Variants in PCDHA3 observed in about 807,000 individuals in gnomAD.
PCDHA3 encodes protocadherin alpha-3.
Under a neutral mutation model 62.2 loss-of-function variants are expected in PCDHA3, and 41 were observed. The ratio of observed to expected loss-of-function variants is 0.66; its 90% CI spans 0.51 to 0.86. PCDHA3 has a LOEUF of 0.86. Ranked by LOEUF, PCDHA3 falls within the 40% of genes least tolerant of loss-of-function variation. The pLI is 0.00. For missense variants in PCDHA3, 1,304 were observed against 1,241.2 expected (o/e 1.05, Z -0.76); for synonymous variants, 640 against 555.4 (o/e 1.15, Z -2.14).
intron 1 of PCDHA3, chr5:140,870,081 T>G (rs782572380): frequency 1.2e-6 from 2 of 1,613,698 alleles, no homozygotes. Context: ...ATAAGGGGAC[T>G]CCCCCAATGG....
chr5:140,871,329 C>T (rs1164407502), intron 1 of PCDHA3: 3 of 1,614,060 alleles, frequency 1.9e-6, no homozygotes, highest in African/African-American at 2.7e-5. Flanking sequence ...TGTGCTCCCG[C>T]GCGGTGGGGA....
intron 1 of PCDHA3, among the ~76,000 whole-genome samples, chr5:140,963,436 T>C (rs148474994): frequency 0.01 from 1,563 of 152,364 alleles, 89 homozygotes; most frequent in Admixed American, 0.092. Context: ...ACTAACTTCA[T>C]ACTCTGTTGC....
At chr5:140,883,626 C>A (rs782798960) in intron 1 of PCDHA3, 2 of 1,613,968 alleles carry the variant, frequency 1.2e-6, no homozygotes, top group Non-Finnish European at 1.7e-6. Flanking sequence ...GACAACGCGC[C>A]GGCGTTCGCG....
chr5:140,871,066 G>GA, intron 1 of PCDHA3: 1 of 1,613,276 alleles, frequency 6.2e-7, no homozygotes, highest in South Asian at 1.1e-5. Context: ...GGATCACGGT[G>GA]AGCCGGCGCT....
intron 1 of PCDHA3, among the ~76,000 whole-genome samples, chr5:140,900,751 G>A (rs781973754): frequency 1.3e-5 from 2 of 152,060 alleles, no homozygotes; most frequent in African/African-American, 2.4e-5. Context: ...GGATCACTTG[G>A]TAGCTCTATT....
At chr5:140,882,718 T>A (rs782288800) in intron 1 of PCDHA3, 9 of 1,614,054 alleles carry the variant, frequency 5.6e-6, no homozygotes, top group Middle Eastern at 1.6e-4. Flanking sequence ...CTCCGGAAAC[T>A]CGATTTCCAC....
intron 1 of PCDHA3, chr5:140,856,089 T>C: frequency 6.3e-7 from 1 of 1,596,782 alleles, no homozygotes; most frequent in Non-Finnish European, 8.6e-7. Flanking sequence ...CAGTGTCTGC[T>C]GCTCTCGCTT....
rs540052499 is a variant in PCDHA3 at position 140,992,812 on chromosome 5, G to A, written c.2542+10249G>A. Among the ~76,000 whole-genome samples the A allele has an allele frequency of 2.5e-4, 38 of 152,228 alleles. No homozygotes were observed. The South Asian group carries it at 7.9e-3, about 32-fold the overall frequency. ...TTTTATGGATCCATATGTATCTAAG[G>A]ATGTGTTTGTTTTTTGGGAACATTT... is the stretch of plus-strand genomic sequence containing the variant. On this transcript the variant is annotated intron_variant, in intron 3 of 3. Transcript: ENST00000522353.
rs374163229 is a variant in PCDHA3 at position 140,870,784 on chromosome 5, G to C, written c.2394+67193G>C. 16 of 1,613,456 alleles carry C rather than the reference G, an allele frequency of 9.9e-6. No homozygotes were observed. The African/African-American group carries it at 2.0e-4, about 20-fold the overall frequency. On this transcript the variant is annotated intron_variant, in intron 1 of 3. Transcript: ENST00000522353. ...GTTCGTGCTGGACGAGAACGACAAC[G>C]CGCCGGCACTGCTGGCGACTCAGGC...
rs2042381743 is a variant in PCDHA3 at position 140,852,581 on chromosome 5, T to A, written c.2394+48990T>A. ...GTGAGCCACTGTGCCAAGGCTTTTTTATTTTTTTTTTTTGTCATTTTCTTT... is the reference window on the plus strand; with the variant it reads ...GTGAGCCACTGTGCCAAGGCTTTTTAATTTTTTTTTTTTGTCATTTTCTTT... On this transcript the variant is annotated intron_variant, in intron 1 of 3. Transcript: ENST00000522353. 5 of 832,294 alleles carry A rather than the reference T, an allele frequency of 6.0e-6. 1 individual carries two copies. The highest frequency in any genetic ancestry group is 7.4e-6 in the Non-Finnish European group (5 of 678,338). 51.6% of individuals were successfully genotyped at this position (832,294 alleles called of 1,614,324 possible). A position where few individuals can be genotyped will look rare whatever the true frequency, so the allele number is the denominator to read the frequency against.
intron 1 of PCDHA3, chr5:140,836,819 C>A: frequency 1.8e-6 from 2 of 1,113,460 alleles, no homozygotes; most frequent in East Asian, 2.5e-5. Flanking sequence ...TTCATAATTT[C>A]TTTTTTAGTT....
At chr5:140,835,616 C>T in intron 1 of PCDHA3, 1 of 1,613,886 alleles carries the variant, frequency 6.2e-7, no homozygotes, top group East Asian at 2.2e-5. Context: ...TGCTGGACAG[C>T]GCTCTGGACC....
chr5:140,816,150 C>T (rs2126669751), intron 1 of PCDHA3: 12 of 152,162 alleles, frequency 7.9e-5, no homozygotes, highest in African/African-American at 2.9e-4. Flanking sequence ...GAGCAGCCTG[C>T]TCGAGGATGT....
chr5:140,980,021 A>C (rs1472439975), intron 2 of PCDHA3, among the ~76,000 whole-genome samples: 2 of 152,248 alleles, frequency 1.3e-5, no homozygotes. Context: ...AAATGAGCAG[A>C]AATCATTACA....
chr5:140,822,084 C>A (rs2150113560), intron 1 of PCDHA3: 76 of 1,614,106 alleles, frequency 4.7e-5, no homozygotes, highest in Non-Finnish European at 6.4e-5. Context: ...AGTGCAGCAT[C>A]CACCTGGAGG....
rs1554121830 is a variant in PCDHA3 at position 140,802,029 on chromosome 5, G to A, written c.832G>A (p.Ala278Thr). Residue 278 changes from alanine to threonine, a missense_variant, in exon 1 of 4, where the codon GCG becomes ACG. Physicochemically the swap from Ala to Thr is moderately conservative, Grantham distance 58. Coordinates refer to ENST00000522353, the MANE Select transcript of PCDHA3 (RefSeq NM_018906.3). ...DLDEGVNKDI[A>T]YSFNTDMSAD... ...GGATGAAGGAGTAAATAAGGATATC[G>A]CGTATTCTTTCAATACGGACATGTC... 1 of 1,614,046 alleles carries A rather than the reference G, an allele frequency of 6.2e-7. No individual in the cohort carries two copies. The highest frequency in any genetic ancestry group is 1.3e-5 in the African/African-American group (1 of 74,920).
chr5:140,938,679 T>C (rs574212689), intron 1 of PCDHA3, among the ~76,000 whole-genome samples: 1 of 152,302 alleles, frequency 6.6e-6, no homozygotes, highest in South Asian at 2.1e-4. Flanking sequence ...CCTAACATTT[T>C]CTTTACAGTT....
intron 1 of PCDHA3, among the ~76,000 whole-genome samples, chr5:140,942,993 AT>A (rs1228666837): frequency 3.3e-5 from 5 of 152,166 alleles, no homozygotes; most frequent in African/African-American, 1.2e-4. Context: ...GTGGTGGCTC[AT>A]GCCTGTAATC....
In PCDHA3 at chr5:140,850,049, C is replaced by A. The variant is rs1354549642; in HGVS notation, c.2394+46458C>A. 3 of 1,596,466 alleles carry A rather than the reference C, an allele frequency of 1.9e-6. 1 individual carries two copies. The highest frequency in any genetic ancestry group is 1.3e-5 in the African/African-American group (1 of 74,464). ...TGCACGCGGAGAGCGGCAAGGTGTA[C>A]GCGCTGCAGCCGTTGGACCACGAGG... On this transcript the variant is annotated intron_variant, in intron 1 of 3. Coordinates refer to ENST00000522353, the MANE Select transcript of PCDHA3 (RefSeq NM_018906.3).
Sources: allele counts gnomAD v4.1 joint callset (sites outside exome capture counted in the v4.1 genomes callset), GRCh38; gene constraint gnomAD v4.1.1; transcripts MANE v1.5; gene names NCBI Gene and HGNC (gene_info 2026-07-23, HGNC 2026-07-21).